CDS2: variants seen among roughly 807,000 people sequenced by gnomAD.
CDS2 encodes the protein CDP-diacylglycerol synthase 2.
CDS2 carries 47 observed loss-of-function variants against 59.0 expected under a neutral mutation model. The observed-to-expected ratio is 0.80, with a 90% CI of 0.63 to 1.02. CDS2 has a LOEUF of 1.02. Among genes scored for constraint, CDS2 ranks in the 50% least tolerant of loss-of-function variants. The pLI, the probability that CDS2 is intolerant of heterozygous loss-of-function variation, is 0.00. For synonymous variants in CDS2, 207 were observed against 206.4 expected (o/e 1.00, Z -0.02); for missense variants, 356 against 558.9 (o/e 0.64, Z 3.66).
Position 5,176,663 on chromosome 20 carries a change from A to G in CDS2, c.307A>G (p.Ile103Val). The change falls in exon 4 of 13, where the codon ATT becomes GTT. Residue 103 changes from isoleucine to valine, a missense_variant. By Grantham distance (29) the Ile-to-Val change is conservative (BLOSUM62 3). Coordinates refer to ENST00000460006, the MANE Select transcript of CDS2 (RefSeq NM_003818.4). ...TGTCCCGCAGGTGATGTGCGTTCAG[A>G]TTAAGTGTTTCCATGAGATAATCAC... ...VLMIIVMCVQ[I>V]KCFHEIITIG... 1.9e-6 allele frequency: 3 copies of G among 1,613,724 alleles called. No individual in the cohort carries two copies. Among genetic ancestry groups the G allele is most frequent in the Non-Finnish European group, 2.5e-6 (3 of 1,179,608 alleles).
At chr20:5,131,391 T>C in intron 1 of CDS2, among the ~76,000 whole-genome samples, 1 of 152,216 alleles carries the variant, frequency 6.6e-6, no homozygotes, top group Non-Finnish European at 1.5e-5. Flanking sequence ...GTTTAGGCTT[T>C]GGGAATGATC....
chr20:5,145,369 C>T (rs1232045002), intron 1 of CDS2, among the ~76,000 whole-genome samples: 3 of 151,698 alleles, frequency 2.0e-5, no homozygotes, highest in South Asian at 2.1e-4. Context: ...TAGTTTTGAG[C>T]CTGGAGGAAT....
At chr20:5,135,627 C>A (rs1248161214) in intron 1 of CDS2, among the ~76,000 whole-genome samples, 2 of 152,166 alleles carry the variant, frequency 1.3e-5, no homozygotes. Context: ...GGCACCCCCT[C>A]CCCACCCCCA....
intron 1 of CDS2, among the ~76,000 whole-genome samples, chr20:5,148,712 G>T (rs141844692): frequency 6.6e-6 from 1 of 152,230 alleles, no homozygotes; most frequent in Non-Finnish European, 1.5e-5. Flanking sequence ...CTACAATGCG[G>T]TTTGCACCGT....
chr20:5,143,089 C>T (rs2090708804), intron 1 of CDS2, among the ~76,000 whole-genome samples: 2 of 152,156 alleles, frequency 1.3e-5, no homozygotes, highest in Non-Finnish European at 2.9e-5. Context: ...AGCATTCCTC[C>T]TGCCTCAGCC....
chr20:5,174,642 A>G (rs1475999772), intron 2 of CDS2, among the ~76,000 whole-genome samples: 2 of 151,790 alleles, frequency 1.3e-5, no homozygotes, highest in Admixed American at 6.6e-5. Context: ...AGAGAATGGC[A>G]TGAACCTGGG....
chr20:5,189,377 C>G (rs2091095295), intron 11 of CDS2, among the ~76,000 whole-genome samples, 191 bp downstream of exon 11: 1 of 151,998 alleles, frequency 6.6e-6, no homozygotes. Context: ...CGTTGTTTTT[C>G]AGTTTATTTG....
chr20:5,165,119 T>C (rs1652179974), intron 1 of CDS2, among the ~76,000 whole-genome samples: 1 of 152,192 alleles, frequency 6.6e-6, no homozygotes, highest in South Asian at 2.1e-4. Flanking sequence ...ACTGTACGTA[T>C]TTGAGTTAGA....
intron 1 of CDS2, among the ~76,000 whole-genome samples, chr20:5,171,582 A>C (rs144699828): frequency 6.6e-6 from 1 of 152,350 alleles, no homozygotes; most frequent in Non-Finnish European, 1.5e-5. Flanking sequence ...CAATGTTGAA[A>C]TAAAGATTGG....
At chr20:5,189,415 T>C (rs1163125641) in intron 11 of CDS2, among the ~76,000 whole-genome samples, 1 of 152,212 alleles carries the variant, frequency 6.6e-6, no homozygotes, top group Non-Finnish European at 1.5e-5. Flanking sequence ...AAAAGAACAT[T>C]TTGGGCCAGG....
chr20:5,172,436 A>G (rs1004319485), intron 1 of CDS2, among the ~76,000 whole-genome samples: 1 of 152,226 alleles, frequency 6.6e-6, no homozygotes, highest in Non-Finnish European at 1.5e-5. Flanking sequence ...AACTCCGTAG[A>G]AAAACTAGCC....
chr20:5,174,654 G>A (rs1052304406), intron 2 of CDS2, among the ~76,000 whole-genome samples: 12 of 151,882 alleles, frequency 7.9e-5, no homozygotes, highest in East Asian at 1.9e-4. Context: ...GAACCTGGGC[G>A]GAGCTTGCAG....
chr20:5,187,510 C>A (rs528489662), intron 10 of CDS2: 2 of 152,194 alleles, frequency 1.3e-5, no homozygotes, highest in East Asian at 3.9e-4. Context: ...AAAGAACCAA[C>A]AAATTATAAT....
At chr20:5,178,639 CCTA>C (rs113391431) in intron 4 of CDS2, among the ~76,000 whole-genome samples, 175 bp from the exon 5 acceptor site, 2,404 of 152,228 alleles carry the variant, frequency 0.016, 65 homozygotes, top group African/African-American at 0.054. Flanking sequence ...AAATTTCTCA[CCTA>C]CGGTGTCACC....
chr20:5,130,237 AGTGCTGGGATTACAGGTGTGAGCCACC>A (rs2090593404), intron 1 of CDS2, among the ~76,000 whole-genome samples: 1 of 151,616 alleles, frequency 6.6e-6, no homozygotes, highest in African/African-American at 2.4e-5. Flanking sequence ...GGCCTCCCAA[AGTGCTGGGATTACAGGTGTGAGCCACC>A]GTGCCCGGCC....
intron 1 of CDS2, among the ~76,000 whole-genome samples, chr20:5,159,805 C>A (rs2090863062): frequency 6.6e-6 from 1 of 152,066 alleles, no homozygotes; most frequent in African/African-American, 2.4e-5. Context: ...GTTTAAAAAG[C>A]AAACCAACCC....
Position 5,186,855 on chromosome 20 carries a change from A to G in CDS2, c.981+16A>G, listed in dbSNP as rs769284570. The G allele has an allele frequency of 4.3e-6, 7 of 1,613,350 alleles. No individual in the cohort carries two copies. Among genetic ancestry groups the G allele is most frequent in the East Asian group, 2.2e-5 (1 of 44,892 alleles). On this transcript the variant is annotated intron_variant, in intron 10 of 12. Transcript: ENST00000460006. ...CATTGGCTGGGTATGTGCCACTCAC[A>G]GGGGGTGAGCGGCCTCCATGGACAG...
chr20:5,167,910 G>A (rs553199242), intron 1 of CDS2, among the ~76,000 whole-genome samples: 3 of 152,336 alleles, frequency 2.0e-5, no homozygotes, highest in African/African-American at 7.2e-5. Flanking sequence ...AGTGGGAAAG[G>A]CAGAGTTGTT....
chr20:5,136,008 G>A (rs1362698422), intron 1 of CDS2, among the ~76,000 whole-genome samples: 1 of 152,150 alleles, frequency 6.6e-6, no homozygotes, highest in African/African-American at 2.4e-5. Flanking sequence ...GGCCAGCTTG[G>A]GGCTTCTCTG....
Sources: gnomAD v4.1 joint callset for allele counts (sites outside exome capture counted in the v4.1 genomes callset) on GRCh38, gnomAD v4.1.1 for gene constraint, MANE v1.5 for transcripts, NCBI Gene and HGNC (gene_info 2026-07-23, HGNC 2026-07-21) for gene names.